Variants in SCD5 observed in about 807,000 individuals in gnomAD.
The protein encoded by SCD5 is stearoyl-CoA desaturase 5, also known as acyl-CoA-desaturase 4.
Under a neutral mutation model 30.4 loss-of-function variants are expected in SCD5, and 20 were observed. The ratio of observed to expected loss-of-function variants is 0.66; its 90% CI spans 0.46 to 0.96. The LOEUF (loss-of-function observed/expected upper bound fraction) is 0.96, where lower values mean the gene tolerates loss of function less well. SCD5 is among the 40% of genes least tolerant of loss of function. SCD5 has a pLI of 0.00. For synonymous variants in SCD5, 173 were observed against 176.4 expected, an observed-to-expected ratio of 0.98 and a Z score of 0.16; for missense variants, 381 against 443.3, an observed-to-expected ratio of 0.86 and a Z score of 1.26.
chr4:82,712,242 A>T, intron 1 of SCD5, among the ~76,000 whole-genome samples: 1 of 57,904 alleles, frequency 1.7e-5, no homozygotes, highest in African/African-American at 7.2e-5. Flanking sequence ...GGACCAACTA[A>T]CATATATATA....
intron 3 of SCD5, among the ~76,000 whole-genome samples, chr4:82,650,446 G>A (rs1182893324): frequency 6.6e-6 from 1 of 152,166 alleles, no homozygotes; most frequent in Non-Finnish European, 1.5e-5. Context: ...TGTAATCCCA[G>A]CACTTTGGGA....
chr4:82,775,783 G>A (rs1721731022), intron 1 of SCD5: 1 of 152,330 alleles, frequency 6.6e-6, no homozygotes. Flanking sequence ...CTTGAGCCTG[G>A]GAGGTTGAGG....
At chr4:82,695,644 G>A (rs1013947407) in intron 2 of SCD5, among the ~76,000 whole-genome samples, 1 of 152,210 alleles carries the variant, frequency 6.6e-6, no homozygotes, top group Non-Finnish European at 1.5e-5. Context: ...AATAAGAGAT[G>A]TCACATGGGT....
At chr4:82,659,371 AG>A (rs1205085208) in intron 3 of SCD5, among the ~76,000 whole-genome samples, 1 of 152,054 alleles carries the variant, frequency 6.6e-6, no homozygotes, top group Admixed American at 6.6e-5. Flanking sequence ...ATCTTCTGCT[AG>A]CTTTTGAATT....
chr4:82,752,802 T>G (rs1166364432), intron 1 of SCD5, among the ~76,000 whole-genome samples: 1 of 152,140 alleles, frequency 6.6e-6, no homozygotes, highest in South Asian at 2.1e-4. Flanking sequence ...TCCCCCTAAA[T>G]AAACTTACTC....
chr4:82,717,476 C>T (rs763585952), intron 1 of SCD5, among the ~76,000 whole-genome samples: 4 of 151,772 alleles, frequency 2.6e-5, no homozygotes, highest in Non-Finnish European at 5.9e-5. Flanking sequence ...ACTGAATTTC[C>T]TTTTCATTAA....
At chr4:82,651,833 A>G (rs973994052) in intron 3 of SCD5, among the ~76,000 whole-genome samples, 1 of 152,218 alleles carries the variant, frequency 6.6e-6, no homozygotes, top group Admixed American at 6.5e-5. Flanking sequence ...GAATCGCTTG[A>G]ACCTAGGAGG....
intron 1 of SCD5, among the ~76,000 whole-genome samples, chr4:82,746,956 G>A (rs578010396): frequency 0.011 from 257 of 23,524 alleles, no homozygotes; most frequent in African/African-American, 0.018. Flanking sequence ...ACACAAGGGC[G>A]TCAGGGGGAG....
At chr4:82,657,899 C>G (rs969903963) in intron 3 of SCD5, among the ~76,000 whole-genome samples, 2 of 152,040 alleles carry the variant, frequency 1.3e-5, no homozygotes, top group Non-Finnish European at 2.9e-5. Flanking sequence ...GGCTGTTTGT[C>G]TACTATTGGT....
At chr4:82,760,225 TCA>T (rs1721333518) in intron 1 of SCD5, among the ~76,000 whole-genome samples, 1 of 152,164 alleles carries the variant, frequency 6.6e-6, no homozygotes, top group Admixed American at 6.5e-5. Flanking sequence ...GTGTTAACCT[TCA>T]CAGTCCTGAC....
chr4:82,679,214 AGAAAG>A (rs1560531566), intron 3 of SCD5, among the ~76,000 whole-genome samples: 1 of 24,056 alleles, frequency 4.2e-5, no homozygotes. Context: ...AAAAAAAAAA[AGAAAG>A]AAAAGAAAGA....
chr4:82,673,522 TGAA>T (rs1349785832), intron 3 of SCD5, among the ~76,000 whole-genome samples: 1 of 152,148 alleles, frequency 6.6e-6, no homozygotes, highest in East Asian at 1.9e-4. Flanking sequence ...ACTAAATAGA[TGAA>T]GAGTTATCCC....
intron 1 of SCD5, among the ~76,000 whole-genome samples, chr4:82,763,317 G>A (rs1002481712): frequency 2.4e-4 from 36 of 152,148 alleles, no homozygotes; most frequent in African/African-American, 8.4e-4. Context: ...TTCGAGACCA[G>A]CCTGGCCAAC....
chr4:82,655,154 C>T (rs752623935), intron 3 of SCD5, among the ~76,000 whole-genome samples: 1 of 152,130 alleles, frequency 6.6e-6, no homozygotes, highest in Non-Finnish European at 1.5e-5. Context: ...TTGGGAGTCC[C>T]TGACTATTTC....
rs79190006 is a variant in SCD5 at position 82,728,276 on chromosome 4, G to A, written c.233-22863C>T. On this transcript the variant is annotated intron_variant, in intron 1 of 4. Coordinates refer to ENST00000319540, the MANE Select transcript of SCD5 (RefSeq NM_001037582.3). Reference sequence around the variant, plus strand: ...GCTACCCTTGGTCATTCCTGGCTACGTGTAGGCCAAGCTAAGTTTGGGAGG... The same window carrying A: ...GCTACCCTTGGTCATTCCTGGCTACATGTAGGCCAAGCTAAGTTTGGGAGG... 8.2e-3 allele frequency among the ~76,000 whole-genome samples: 1,255 copies of A among 152,230 alleles called. 17 individuals are homozygous for A. Among genetic ancestry groups the A allele is most frequent in the African/African-American group, 0.029 (1,207 of 41,534 alleles).
intron 3 of SCD5, among the ~76,000 whole-genome samples, chr4:82,674,309 A>T (rs1728389856): frequency 6.6e-6 from 1 of 152,196 alleles, no homozygotes; most frequent in East Asian, 1.9e-4. Flanking sequence ...AGAAGAAAGC[A>T]ACCTGATTTA....
intron 3 of SCD5, among the ~76,000 whole-genome samples, chr4:82,665,072 A>AT (rs1280694398): frequency 1.2e-3 from 17 of 14,684 alleles, no homozygotes; most frequent in South Asian, 0.011. Context: ...ATATATATAT[A>AT]TATATTTTTT....
chr4:82,660,950 G>A lies in SCD5; in HGVS notation c.569+19757C>T, dbSNP rs375428239. 2.5e-6 allele frequency: 4 copies of A among 1,614,104 alleles called. No homozygotes were observed. In the Admixed American group the frequency reaches 6.7e-5, roughly 27 times the overall value. The stretch of plus-strand genomic sequence containing the variant: ...TTTTCGGAGTGGTTACAATGAGTAT[G>A]TAACAAAGCTAAAATGTGTAATCCG... On this transcript the variant is annotated intron_variant, in intron 3 of 4. Coordinates refer to ENST00000319540, the MANE Select transcript of SCD5 (RefSeq NM_001037582.3).
intron 3 of SCD5, among the ~76,000 whole-genome samples, chr4:82,645,030 T>G (rs980020728): frequency 3.3e-5 from 5 of 151,632 alleles, no homozygotes; most frequent in Non-Finnish European, 4.4e-5. Context: ...AGCAAAAGAG[T>G]GGCCAGGCAC....
Sources: gnomAD v4.1 joint callset for allele counts (sites outside exome capture counted in the v4.1 genomes callset) on GRCh38, gnomAD v4.1.1 for gene constraint, MANE v1.5 for transcripts, NCBI Gene and HGNC (gene_info 2026-07-23, HGNC 2026-07-21) for gene names.